CCBE1: variants seen among roughly 807,000 people sequenced by gnomAD.
The protein encoded by CCBE1 is collagen and calcium binding EGF domains 1, also known as collagen and calcium-binding EGF domain-containing protein 1.
CCBE1 carries 37 observed loss-of-function variants against 50.0 expected under a neutral mutation model. The observed-to-expected ratio is 0.74, with a 90% CI of 0.57 to 0.97. CCBE1 has a LOEUF of 0.97. Ranked by LOEUF, CCBE1 falls within the 50% of genes least tolerant of loss-of-function variation. The probability of loss-of-function intolerance (pLI) is 0.00; values close to 1 mark genes in which losing one functional copy is unlikely to be tolerated. For synonymous variants in CCBE1, 234 were observed against 203.7 expected (o/e 1.15, Z -1.27); for missense variants, 538 against 523.8 (o/e 1.03, Z -0.26).
rs1915960033 is a variant in CCBE1 at position 59,552,352 on chromosome 18, A to G, written c.213-72114T>C. ...TCACGCCTTTGTGTATTATGAAGTA[A>G]CACACGTAGAGTGTTTCGTCAGAGG... On this transcript the variant is annotated intron_variant, in intron 2 of 10. Coordinates refer to ENST00000439986, the MANE Select transcript of CCBE1 (RefSeq NM_133459.4). Among the ~76,000 whole-genome samples, 4 of 152,344 alleles carry G rather than the reference A, an allele frequency of 2.6e-5. No homozygotes were observed. In the South Asian group the frequency reaches 8.3e-4, roughly 32 times the overall value.
intron 2 of CCBE1, among the ~76,000 whole-genome samples, chr18:59,607,600 C>T (rs2053515786): frequency 6.6e-6 from 1 of 152,168 alleles, no homozygotes; most frequent in African/African-American, 2.4e-5. Context: ...CTCTTATTCC[C>T]TTCAGCTACT....
At chr18:59,596,378 A>G (rs751595652) in intron 2 of CCBE1, among the ~76,000 whole-genome samples, 4 of 152,192 alleles carry the variant, frequency 2.6e-5, no homozygotes, top group Non-Finnish European at 5.9e-5. Context: ...TCCTTGTTCA[A>G]CACTGAAGGT....
intron 2 of CCBE1, among the ~76,000 whole-genome samples, chr18:59,609,528 A>T (rs2053543745): frequency 6.6e-6 from 1 of 152,190 alleles, no homozygotes; most frequent in South Asian, 2.1e-4. Context: ...CAGTCTCCAC[A>T]TCTGGTCAGC....
At chr18:59,467,617 G>T (rs776233687) in intron 4 of CCBE1, among the ~76,000 whole-genome samples, 5 of 152,152 alleles carry the variant, frequency 3.3e-5, no homozygotes, top group African/African-American at 4.8e-5. Context: ...CTCCCCTGCC[G>T]CATGGTGGAA....
At position 59,505,802 on chromosome 18, in the gene CCBE1, A is replaced by G. The variant is rs372726343; in HGVS notation, c.213-25564T>C. Among the ~76,000 whole-genome samples, 6 of 152,360 alleles carry G rather than the reference A, an allele frequency of 3.9e-5. No homozygotes were observed. The East Asian group carries it at 9.6e-4, about 24-fold the overall frequency. ...GGAGATAAGATAAGTTCATGCTTAC[A>G]CAGGTTTGTATAGGGGGTAAGAAAC... On this transcript the variant is annotated intron_variant, in intron 2 of 10. Transcript: ENST00000439986.
chr18:59,634,603 CAA>C (rs2053892820), intron 2 of CCBE1, among the ~76,000 whole-genome samples: 1 of 152,062 alleles, frequency 6.6e-6, no homozygotes, highest in Non-Finnish European at 1.5e-5. Context: ...CAAGAAATAG[CAA>C]AAGAGAGAAA....
intron 5 of CCBE1, among the ~76,000 whole-genome samples, chr18:59,463,708 C>T (rs986104215): frequency 3.9e-5 from 6 of 152,214 alleles, no homozygotes; most frequent in Non-Finnish European, 5.9e-5. Flanking sequence ...ATCCCAACAT[C>T]GAATCTCAAC....
At chr18:59,488,183 TA>T (rs375372498) in intron 2 of CCBE1, among the ~76,000 whole-genome samples, 5 of 152,352 alleles carry the variant, frequency 3.3e-5, no homozygotes, top group African/African-American at 1.2e-4. Context: ...CCAGGGACTG[TA>T]AAGACGGAGT....
intron 2 of CCBE1, among the ~76,000 whole-genome samples, chr18:59,560,455 G>A (rs985487132): frequency 6.6e-6 from 1 of 152,172 alleles, no homozygotes; most frequent in Non-Finnish European, 1.5e-5. Context: ...GTCAGTGGGT[G>A]GGAGACAAGG....
At chr18:59,464,968 A>G (rs929085553) in intron 5 of CCBE1, 5 of 152,488 alleles carry the variant, frequency 3.3e-5, no homozygotes, top group African/African-American at 1.2e-4. Flanking sequence ...TTCCCGAGGT[A>G]AGTAGAGAAG....
intron 2 of CCBE1, among the ~76,000 whole-genome samples, chr18:59,537,808 A>G (rs117219059): frequency 0.029 from 4,372 of 152,256 alleles, 86 homozygotes; most frequent in Non-Finnish European, 0.043. Flanking sequence ...ATATACCTCA[A>G]TAGAATCTGG....
rs749565226 is a variant in CCBE1, at chr18:59,449,917, ACCT to A, written c.655-1817_655-1815del. 2.4e-4 allele frequency among the ~76,000 whole-genome samples: 37 copies of A among 152,062 alleles called. 1 individual carries two copies. Among genetic ancestry groups the A allele is most frequent in the South Asian group, 1.0e-3 (5 of 4,796 alleles). ...AATGTTGACCTCAGTGTCCCGGCTG[ACCT>A]CCTGCTGGGTGGCTGCATCCTGGTT... On this transcript the variant is annotated intron_variant, in intron 6 of 10. Coordinates refer to ENST00000439986, the MANE Select transcript of CCBE1 (RefSeq NM_133459.4).
At chr18:59,460,202 C>G (rs1911394400) in intron 5 of CCBE1, among the ~76,000 whole-genome samples, 3 of 152,210 alleles carry the variant, frequency 2.0e-5, no homozygotes, top group Admixed American at 2.0e-4. Context: ...TGGATTGCAA[C>G]CTCTCAAGCC....
chr18:59,476,932 C>T (rs1241221417), intron 3 of CCBE1, among the ~76,000 whole-genome samples: 2 of 152,204 alleles, frequency 1.3e-5, no homozygotes, highest in East Asian at 3.8e-4. Context: ...TGGCACCACT[C>T]ACTGTTATCC....
intron 2 of CCBE1, among the ~76,000 whole-genome samples, chr18:59,577,210 A>G (rs1045703694): frequency 2.0e-5 from 3 of 152,338 alleles, no homozygotes; most frequent in African/African-American, 4.8e-5. Context: ...AGCATTGAAC[A>G]TATGATTGGG....
chr18:59,532,212 G>A (rs1032781074), intron 2 of CCBE1, among the ~76,000 whole-genome samples: 3 of 152,054 alleles, frequency 2.0e-5, no homozygotes, highest in Admixed American at 1.3e-4. Context: ...AAATACAGCT[G>A]ATTTTTGTAT....
At chr18:59,470,754 C>T (rs1911994240) in intron 3 of CCBE1, among the ~76,000 whole-genome samples, 1 of 152,214 alleles carries the variant, frequency 6.6e-6, no homozygotes. Context: ...TTAATCCTTG[C>T]ACTATCTCTT....
chr18:59,579,898 T>C (rs1440621419), intron 2 of CCBE1, among the ~76,000 whole-genome samples: 1 of 152,162 alleles, frequency 6.6e-6, no homozygotes, highest in Non-Finnish European at 1.5e-5. Flanking sequence ...CTGCTGCTGC[T>C]GAGCACATGA....
At chr18:59,475,516 A>C (rs928306305) in intron 3 of CCBE1, among the ~76,000 whole-genome samples, 1 of 151,770 alleles carries the variant, frequency 6.6e-6, no homozygotes, top group Admixed American at 6.6e-5. Flanking sequence ...TCACCTCCAT[A>C]CTTTTGTTTA....
Sources: allele counts gnomAD v4.1 joint callset (sites outside exome capture counted in the v4.1 genomes callset), GRCh38; gene constraint gnomAD v4.1.1; transcripts MANE v1.5; gene names NCBI Gene and HGNC (gene_info 2026-07-23, HGNC 2026-07-21).